Variants in CHCHD3 observed in about 807,000 individuals in gnomAD.
CHCHD3 encodes the protein coiled-coil-helix-coiled-coil-helix domain containing 3.
In CHCHD3, 20 loss-of-function variants were observed where a neutral mutation model predicts 38.2. The ratio of observed to expected loss-of-function variants is 0.52; its 90% CI spans 0.37 to 0.76. CHCHD3 has a LOEUF of 0.76. Ranked by LOEUF, CHCHD3 falls within the 30% of genes least tolerant of loss-of-function variation. The pLI, the probability that CHCHD3 is intolerant of heterozygous loss-of-function variation, is 0.00. For synonymous variants in CHCHD3, 82 were observed against 100.0 expected, an observed-to-expected ratio of 0.82 and a Z score of 1.07; for missense variants, 245 against 279.2, an observed-to-expected ratio of 0.88 and a Z score of 0.87.
intron 2 of CHCHD3, among the ~76,000 whole-genome samples, chr7:133,064,964 C>T (rs1213052816): frequency 1.8e-4 from 27 of 151,870 alleles, no homozygotes; most frequent in Non-Finnish European, 1.5e-5. Flanking sequence ...TCATTATAAG[C>T]CAGAAAAACT....
At chr7:132,871,404 T>C (rs1191791652) in intron 5 of CHCHD3, among the ~76,000 whole-genome samples, 1 of 152,162 alleles carries the variant, frequency 6.6e-6, no homozygotes, top group Non-Finnish European at 1.5e-5. Flanking sequence ...CAATTTAGAG[T>C]AACTACACCA....
intron 4 of CHCHD3, among the ~76,000 whole-genome samples, chr7:132,914,870 T>A (rs1810061949): frequency 6.6e-6 from 1 of 152,030 alleles, no homozygotes; most frequent in Non-Finnish European, 1.5e-5. Context: ...AATATTAAGT[T>A]CAACAAAGAG....
At chr7:132,971,904 G>A (rs942203207) in intron 4 of CHCHD3, among the ~76,000 whole-genome samples, 11 of 148,040 alleles carry the variant, frequency 7.4e-5, no homozygotes, top group African/African-American at 2.9e-4. Flanking sequence ...AACCTTTCTG[G>A]GGTGACTCCC....
At chr7:132,923,557 A>C (rs1372955372) in intron 4 of CHCHD3, among the ~76,000 whole-genome samples, 1 of 152,200 alleles carries the variant, frequency 6.6e-6, no homozygotes, top group Non-Finnish European at 1.5e-5. Flanking sequence ...AATTCATAGC[A>C]ACAGGGGTAT....
intron 2 of CHCHD3, among the ~76,000 whole-genome samples, chr7:133,029,651 G>A (rs971357351): frequency 1.3e-5 from 2 of 152,060 alleles, no homozygotes; most frequent in African/African-American, 2.4e-5. Flanking sequence ...CAGCTGGGTG[G>A]ATAGGCACGA....
At position 133,035,904 on chromosome 7, in the gene CHCHD3, A is replaced by G. The variant is rs540156648; in HGVS notation, c.170-11277T>C. 170 of 1,606,758 alleles carry G rather than the reference A, an allele frequency of 1.1e-4. No individual in the cohort carries two copies. In the African/African-American group the frequency reaches 2.1e-3, roughly 20 times the overall value. On this transcript the variant is annotated intron_variant, in intron 2 of 7. Transcript: ENST00000262570. The surrounding 1 kb of genome is among the most constrained non-coding windows in gnomAD (Gnocchi z 4.7). ...CCTCCAGTTTTCAGGATACGTGTAC[A>G]GGGTCCCAGCCGCCATGGTGATTCC...
chr7:133,059,523 T>C (rs922732066), intron 2 of CHCHD3, among the ~76,000 whole-genome samples: 3 of 152,122 alleles, frequency 2.0e-5, no homozygotes, highest in African/African-American at 4.8e-5. Flanking sequence ...ACACAGATGA[T>C]TTCCTTTCTA....
chr7:132,963,505 G>A (rs908892678), intron 4 of CHCHD3, among the ~76,000 whole-genome samples: 4 of 151,292 alleles, frequency 2.6e-5, no homozygotes, highest in East Asian at 2.0e-4. Flanking sequence ...GGTAATGGGC[G>A]CCTGTAGTCC....
intron 2 of CHCHD3, among the ~76,000 whole-genome samples, chr7:133,054,076 G>A (rs1814243661): frequency 6.6e-6 from 1 of 152,134 alleles, no homozygotes. Context: ...CTGTTAATGA[G>A]AAGTACAAGA....
intron 2 of CHCHD3, among the ~76,000 whole-genome samples, chr7:133,033,346 T>G (rs1813553054): frequency 2.6e-5 from 4 of 152,156 alleles, no homozygotes; most frequent in Admixed American, 6.5e-5. Context: ...AGGACAATTC[T>G]TGGAGATGGG....
intron 2 of CHCHD3, among the ~76,000 whole-genome samples, chr7:133,038,694 C>A (rs1225913030): frequency 6.6e-6 from 1 of 152,114 alleles, no homozygotes; most frequent in Non-Finnish European, 1.5e-5. Flanking sequence ...TGAAAGGTAA[C>A]CCGGATAGCA....
intron 4 of CHCHD3, among the ~76,000 whole-genome samples, chr7:132,965,059 ATGTGTG>A (rs5887603): frequency 1.2e-4 from 18 of 148,436 alleles, no homozygotes; most frequent in African/African-American, 4.2e-4. Flanking sequence ...TATGGGTTTT[ATGTGTG>A]TGTGTGTGTG....
chr7:132,874,869 A>G (rs1196566968), intron 5 of CHCHD3, among the ~76,000 whole-genome samples: 1 of 152,170 alleles, frequency 6.6e-6, no homozygotes, highest in African/African-American at 2.4e-5. Context: ...AGAAAACCCT[A>G]TCCCAGAGCA....
chr7:132,795,289 A>G (rs898736521), intron 7 of CHCHD3, among the ~76,000 whole-genome samples: 1 of 152,208 alleles, frequency 6.6e-6, no homozygotes, highest in Admixed American at 6.5e-5. Flanking sequence ...TATTAACAGC[A>G]TATCAGAAGC....
At chr7:132,948,740 T>C (rs977438501) in intron 4 of CHCHD3, among the ~76,000 whole-genome samples, 2 of 152,136 alleles carry the variant, frequency 1.3e-5, no homozygotes, top group Non-Finnish European at 2.9e-5. Context: ...AACTTTAAAA[T>C]GGCAAAACAG....
intron 2 of CHCHD3, among the ~76,000 whole-genome samples, chr7:133,044,836 A>C (rs114723732): frequency 0.015 from 2,268 of 152,292 alleles, 53 homozygotes; most frequent in African/African-American, 0.052. Flanking sequence ...AGCTCACACA[A>C]ATCTGCAGCT....
intron 3 of CHCHD3, among the ~76,000 whole-genome samples, chr7:133,011,921 T>C (rs985039904): frequency 2.0e-5 from 3 of 152,232 alleles, no homozygotes; most frequent in Admixed American, 6.5e-5. Context: ...CTGACATTTA[T>C]TGAATGGTTG....
intron 2 of CHCHD3, among the ~76,000 whole-genome samples, chr7:133,061,838 G>A (rs959283456): frequency 1.3e-5 from 2 of 152,186 alleles, no homozygotes; most frequent in Non-Finnish European, 2.9e-5. Context: ...ATAAAGTTTG[G>A]AGATCCTTCT....
chr7:133,055,421 CATA>C (rs1814292242), intron 2 of CHCHD3, among the ~76,000 whole-genome samples: 2 of 142,348 alleles, frequency 1.4e-5, no homozygotes, highest in South Asian at 4.4e-4. Context: ...ATATAGTAAT[CATA>C]ATTATATTTG....
Sources: allele counts gnomAD v4.1 joint callset (sites outside exome capture counted in the v4.1 genomes callset), GRCh38; gene constraint gnomAD v4.1.1; non-coding constraint Gnocchi (gnomAD v3.1); transcripts MANE v1.5; gene names NCBI Gene and HGNC (gene_info 2026-07-23, HGNC 2026-07-21).